The following LRP1B variants were observed in gnomAD, a reference collection of about 807,000 sequenced individuals.
LRP1B encodes the protein low-density lipoprotein receptor-related protein 1B.
Under a neutral mutation model 556.6 loss-of-function variants are expected in LRP1B, and 217 were observed. The ratio of observed to expected loss-of-function variants is 0.39; its 90% CI spans 0.35 to 0.44. LRP1B has a LOEUF of 0.44. LRP1B is among the 20% of genes least tolerant of loss of function. The pLI is 1.00. For missense variants in LRP1B, 5,053 were observed against 5,620.8 expected (o/e 0.90, Z 3.23); for synonymous variants, 2,047 against 1,865.8 (o/e 1.10, Z -2.50).
chr2:140,481,582 TTA>T (rs775185916), intron 59 of LRP1B, among the ~76,000 whole-genome samples: 989 of 97,644 alleles, frequency 0.01, 5 homozygotes, highest in Admixed American at 0.015. Context: ...GCCATCTTTA[TTA>T]TTATTATTAT....
chr2:141,923,146 A>T (rs1328640645), intron 1 of LRP1B, among the ~76,000 whole-genome samples: 1 of 151,866 alleles, frequency 6.6e-6, no homozygotes, highest in African/African-American at 2.4e-5. Context: ...GTGAGAACTG[A>T]AGGAGATTCC....
Position 140,850,115 on chromosome 2 carries a change from A to T in LRP1B, c.4926T>A (p.Thr1642=), listed in dbSNP as rs202003733. Residue 1642 remains threonine, a synonymous_variant, in exon 29 of 91, where the codon ACT becomes ACA. Coordinates refer to ENST00000389484, the MANE Select transcript of LRP1B (RefSeq NM_018557.3). ...RAFINGTGLE[T]VISRDIQSIR... The stretch of plus-strand genomic sequence containing the variant: ...CGAATCTTTTACCTCTTGAAATAAC[A>T]GTTTCTAACCCAGTTCCGTTAATAA... 1 of 1,604,164 alleles carries T rather than the reference A, an allele frequency of 6.2e-7. No individual in the cohort carries two copies. Among genetic ancestry groups the T allele is most frequent in the Non-Finnish European group, 8.5e-7 (1 of 1,171,912 alleles).
chr2:141,196,057 T>C (rs1243770198), intron 6 of LRP1B, among the ~76,000 whole-genome samples: 2 of 151,914 alleles, frequency 1.3e-5, no homozygotes, highest in South Asian at 2.1e-4. Context: ...AATGAGAAAA[T>C]ATGAGGTAGC....
intron 3 of LRP1B, among the ~76,000 whole-genome samples, chr2:141,361,881 T>G (rs1302085074): frequency 2.6e-5 from 4 of 152,174 alleles, no homozygotes; most frequent in Admixed American, 6.6e-5. Flanking sequence ...ACTTTTAGTT[T>G]AGTTAGAGCA....
At chr2:140,612,084 CT>C (rs1683091563) in intron 41 of LRP1B, among the ~76,000 whole-genome samples, 1 of 152,020 alleles carries the variant, frequency 6.6e-6, no homozygotes, top group Non-Finnish European at 1.5e-5. Context: ...ATGATTGTTT[CT>C]TAAGTACCTA....
chr2:142,035,042 T>C (rs1703832469), intron 1 of LRP1B, among the ~76,000 whole-genome samples: 2 of 151,784 alleles, frequency 1.3e-5, no homozygotes, highest in African/African-American at 4.8e-5. Flanking sequence ...GGGTAGGGTA[T>C]ACTGTACTAT....
At chr2:141,225,540 C>T (rs1683212845) in intron 6 of LRP1B, among the ~76,000 whole-genome samples, 1 of 149,212 alleles carries the variant, frequency 6.7e-6, no homozygotes, top group Non-Finnish European at 1.5e-5. Context: ...CAATCAGCTG[C>T]TACAAATGTG....
chr2:140,631,862 G>A (rs1683899043), intron 41 of LRP1B, among the ~76,000 whole-genome samples: 1 of 152,004 alleles, frequency 6.6e-6, no homozygotes, highest in South Asian at 2.1e-4. Context: ...CAAACTGTAG[G>A]CAACCAAATA....
At chr2:141,479,471 T>C (rs10169644) in intron 3 of LRP1B, among the ~76,000 whole-genome samples, 78,358 of 151,728 alleles carry the variant, frequency 0.52, 20,408 homozygotes, top group Non-Finnish European at 0.56. Flanking sequence ...AAACCAGATA[T>C]GTTATCTCCA....
At chr2:141,338,598 A>G (rs966882300) in intron 3 of LRP1B, among the ~76,000 whole-genome samples, 15 of 152,198 alleles carry the variant, frequency 9.9e-5, no homozygotes, top group African/African-American at 3.6e-4. Context: ...TTACACCTGC[A>G]TTCAGAAAGA....
intron 2 of LRP1B, among the ~76,000 whole-genome samples, chr2:141,733,851 C>T (rs1693368326): frequency 6.6e-6 from 1 of 152,030 alleles, no homozygotes; most frequent in Admixed American, 6.6e-5. Flanking sequence ...CTTGAATATA[C>T]CACTATAAGA....
intron 2 of LRP1B, among the ~76,000 whole-genome samples, chr2:141,522,520 T>C (rs569008528): frequency 2.6e-4 from 39 of 152,174 alleles, no homozygotes; most frequent in Non-Finnish European, 4.7e-4. Flanking sequence ...AGATCGTATC[T>C]ATATCTTGGC....
At chr2:140,447,728 T>C (rs1327617416) in intron 63 of LRP1B, among the ~76,000 whole-genome samples, 1 of 152,196 alleles carries the variant, frequency 6.6e-6, no homozygotes, top group Non-Finnish European at 1.5e-5. Flanking sequence ...TTGGTATATC[T>C]TGTGTTTTGA....
intron 83 of LRP1B, among the ~76,000 whole-genome samples, chr2:140,299,513 C>T (rs1683733197): frequency 6.6e-6 from 1 of 152,000 alleles, no homozygotes; most frequent in South Asian, 2.1e-4. Context: ...GCTGAGTAAT[C>T]TCATATTTTT....
intron 35 of LRP1B, among the ~76,000 whole-genome samples, chr2:140,749,519 A>T (rs1039683167): frequency 5.3e-5 from 8 of 152,062 alleles, no homozygotes; most frequent in African/African-American, 1.9e-4. Context: ...TACTTTTAAA[A>T]CTTTTTTGTT....
intron 1 of LRP1B, among the ~76,000 whole-genome samples, chr2:142,043,776 C>T (rs554774604): frequency 2.6e-5 from 4 of 151,666 alleles, no homozygotes; most frequent in African/African-American, 9.7e-5. Context: ...AAATTCTCAA[C>T]AATATTGACA....
Position 140,350,933 on chromosome 2 carries a change from T to A in LRP1B, c.11756A>T (p.His3919Leu), listed in dbSNP as rs2105116241. The change falls in exon 77 of 91, where the codon CAT becomes CTT. Residue 3919 changes from histidine to leucine, a missense_variant. Physicochemically the swap from His to Leu is moderately conservative, Grantham distance 99 (BLOSUM62 -3). Coordinates refer to ENST00000389484, the MANE Select transcript of LRP1B (RefSeq NM_018557.3). ...ATCCATCCCTGTTATTCTTGAATTA[T>A]GTTCAATATGAGAAATTTGTTGATG... ...GDHQQISHIE[H>L]NSRITGMDVY... The A allele has an allele frequency of 4.3e-6, 7 of 1,610,974 alleles. No individual in the cohort carries two copies. In the South Asian group the frequency reaches 7.7e-5, roughly 18 times the overall value.
rs1266970131 is a variant in LRP1B, at chr2:140,883,997, A to G, written c.3989T>C (p.Val1330Ala). The G allele has an allele frequency of 3.2e-5, 51 of 1,612,652 alleles. No individual in the cohort carries two copies. The highest frequency in any genetic ancestry group is 4.2e-5 in the Non-Finnish European group (49 of 1,179,824). The change falls in exon 25 of 91, where the codon GTG becomes GCG. Residue 1330 changes from valine to alanine, a missense_variant. By Grantham distance (64) the Val-to-Ala change is moderately conservative (BLOSUM62 0). This residue lies in a region of LRP1B where 3,619 missense variants were observed against 3,931.9 expected (regional missense o/e 0.92). Transcript: ENST00000389484. The stretch of plus-strand genomic sequence containing the variant: ...TTCTGGAGTAGCCAGGCCATGCTCC[A>G]CAACCACTTCAATGGCACTGACACC... ...SGGVSAIEVV[V>A]EHGLATPEGL... is the part of the protein sequence containing the mutation.
chr2:141,201,654 A>G (rs1490210708), intron 6 of LRP1B, among the ~76,000 whole-genome samples: 2 of 152,082 alleles, frequency 1.3e-5, no homozygotes, highest in African/African-American at 4.8e-5. Context: ...TTTTTTAATT[A>G]TTCATTTTTG....
Sources: allele counts gnomAD v4.1 joint callset (sites outside exome capture counted in the v4.1 genomes callset), GRCh38; gene constraint gnomAD v4.1.1; regional missense constraint gnomAD v4.1.1; transcripts MANE v1.5; gene names NCBI Gene and HGNC (gene_info 2026-07-23, HGNC 2026-07-21).